COL5A1: variants seen among roughly 807,000 people sequenced by gnomAD.
COL5A1 encodes collagen alpha-1(V) chain.
Under a neutral mutation model 263.7 loss-of-function variants are expected in COL5A1, and 16 were observed. That is an observed-to-expected ratio of 0.06 (90% CI 0.04 to 0.09). COL5A1 has a LOEUF of 0.09. COL5A1 is among the 10% of genes least tolerant of loss of function. The pLI is 1.00. For missense variants in COL5A1, 2,036 were observed against 2,540.5 expected (o/e 0.80, Z 4.27); for synonymous variants, 1,012 against 1,004.5 (o/e 1.01, Z -0.14).
chr9:134,829,588 C>A (rs1839502233), intron 63 of COL5A1, among the ~76,000 whole-genome samples: 5 of 147,512 alleles, frequency 3.4e-5, no homozygotes, highest in Admixed American at 3.3e-4. Flanking sequence ...CTCACGTGGC[C>A]TCCCTAAGGG....
chr9:134,839,450 G>T (rs1839952638), intron 65 of COL5A1, among the ~76,000 whole-genome samples: 1 of 152,190 alleles, frequency 6.6e-6, no homozygotes, highest in South Asian at 2.1e-4. Context: ...CGTCCCTCTG[G>T]GGAGAGACTG....
chr9:134,727,505 G>T, intron 5 of COL5A1, 108 bp downstream of exon 5: 2 of 1,309,980 alleles, frequency 1.5e-6, no homozygotes, highest in South Asian at 1.2e-5. Flanking sequence ...AATCCACTGG[G>T]TGAGAATTTG....
At chr9:134,792,867 GCGCGTTTGTGCACA>G (rs1300135235) in intron 32 of COL5A1, among the ~76,000 whole-genome samples, 1 of 31,884 alleles carries the variant, frequency 3.1e-5, no homozygotes, top group Admixed American at 3.7e-4. Context: ...GTGTGTGTGC[GCGCGTTTGTGCACA>G]CGTGTGTGTG....
intron 32 of COL5A1, among the ~76,000 whole-genome samples, chr9:134,793,026 C>A (rs2132796426): frequency 6.6e-6 from 1 of 152,242 alleles, no homozygotes; most frequent in South Asian, 2.1e-4. Context: ...TTCTGTGGAC[C>A]TTGACTATGG....
chr9:134,741,981 T>TGTGGGCAGCC lies in COL5A1; in HGVS notation c.1494+3188_1494+3197dup, dbSNP rs923838994. Among the ~76,000 whole-genome samples, 2 of 151,788 alleles carry TGTGGGCAGCC rather than the reference T, an allele frequency of 1.3e-5. No homozygotes were observed. The highest frequency in any genetic ancestry group is 2.9e-5 in the Non-Finnish European group (2 of 67,962). ...GTGCCCTTCCTCACACCCTGCTCCC[T>TGTGGGCAGCC]GTGGGCAGCCGTGGGCAGCCGTGGC... On this transcript the variant is annotated intron_variant, in intron 11 of 65. Transcript: ENST00000371817. The surrounding 1 kb of genome is among the most constrained non-coding windows in gnomAD (Gnocchi z 4.5).
At chr9:134,753,781 C>T (rs1427888822) in intron 14 of COL5A1, 69 bp from the exon 15 acceptor site, 2 of 989,436 alleles carry the variant, frequency 2.0e-6, no homozygotes, top group East Asian at 2.6e-5. Flanking sequence ...TCCCCTGCCA[C>T]CCCCAGCCCT....
At chr9:134,777,208 G>A (rs1837084859) in intron 27 of COL5A1, among the ~76,000 whole-genome samples, 1 of 152,230 alleles carries the variant, frequency 6.6e-6, no homozygotes, top group East Asian at 1.9e-4. Flanking sequence ...CAGCTGCTAG[G>A]GGGTTGCCAG....
At chr9:134,694,767 G>A (rs998018586) in intron 2 of COL5A1, among the ~76,000 whole-genome samples, 1 of 152,164 alleles carries the variant, frequency 6.6e-6, no homozygotes, top group African/African-American at 2.4e-5. Context: ...CCAGTGAAGC[G>A]GGGAGGGTTG....
rs1205770232 is a variant in COL5A1, at chr9:134,818,797, A to G, written c.4338+34A>G. 16 of 1,612,048 alleles carry G rather than the reference A, an allele frequency of 9.9e-6. No individual in the cohort carries two copies. Among genetic ancestry groups the G allele is most frequent in the Middle Eastern group, 3.3e-4 (2 of 6,080 alleles). ...GCTGTGAGGGGCAGAGGGGTTGCCG[A>G]GTGGAGGGACGGGGGACCAGCAACT... On this transcript the variant is annotated intron_variant, in intron 55 of 65. Coordinates refer to ENST00000371817, the MANE Select transcript of COL5A1 (RefSeq NM_000093.5). This position sits in a 1 kb window ranked among gnomAD's most constrained non-coding sequence, Gnocchi z 6.0.
chr9:134,690,893 T>C lies in COL5A1; in HGVS notation c.110-19T>C, dbSNP rs148294644. 4.0e-4 allele frequency: 644 copies of C among 1,613,276 alleles called. 6 individuals carry two copies. In the African/African-American group the frequency reaches 7.6e-3, roughly 19 times the overall value. On this transcript the variant is annotated intron_variant, in intron 1 of 65. Transcript: ENST00000371817. Reference sequence around the variant, plus strand: ...CTTTCCTCTCCGTGGCTAACTCTGCTCCTCCTCTGTCATTTCAGCTCAGCC... The same window carrying C: ...CTTTCCTCTCCGTGGCTAACTCTGCCCCTCCTCTGTCATTTCAGCTCAGCC...
chr9:134,714,466 GGTT>G (rs1834177895), intron 4 of COL5A1, among the ~76,000 whole-genome samples: 1 of 89,954 alleles, frequency 1.1e-5, no homozygotes, highest in Non-Finnish European at 2.2e-5. Flanking sequence ...TGGTGATGGT[GGTT>G]GTGATGGTGT....
intron 25 of COL5A1, 86 bp downstream of exon 25, chr9:134,768,549 T>A: frequency 1.2e-5 from 17 of 1,397,632 alleles, no homozygotes; most frequent in Non-Finnish European, 1.7e-5. Flanking sequence ...TCTTTGGGGT[T>A]GTTGTTGGAC....
At chr9:134,653,895 C>A (rs371666819) in intron 1 of COL5A1, among the ~76,000 whole-genome samples, 6 of 148,208 alleles carry the variant, frequency 4.0e-5, no homozygotes, top group African/African-American at 1.5e-4. Flanking sequence ...GTCTGTATGG[C>A]TGAGGGTGTG....
At chr9:134,701,386 G>C in intron 4 of COL5A1, 53 bp downstream of exon 4, 2 of 1,575,092 alleles carry the variant, frequency 1.3e-6, no homozygotes, top group Admixed American at 1.7e-5. Flanking sequence ...TCCTCCTGTG[G>C]AGCCACTGTG....
chr9:134,707,353 C>T (rs1382906786), intron 4 of COL5A1, among the ~76,000 whole-genome samples: 1 of 152,232 alleles, frequency 6.6e-6, no homozygotes, highest in Admixed American at 6.5e-5. Context: ...AACGGTCCTC[C>T]ATCTGTCTGC....
intron 14 of COL5A1, 63 bp from the exon 15 acceptor site, chr9:134,753,786 AG>A: frequency 2.2e-6 from 1 of 459,146 alleles, no homozygotes; most frequent in Non-Finnish European, 3.7e-6. Flanking sequence ...TGCCACCCCC[AG>A]CCCTTCCTGT....
chr9:134,681,840 G>A lies in COL5A1; in HGVS notation c.110-9072G>A, dbSNP rs1223801792. ...CTTGAAGTTAAGGATATTGACTTTG[G>A]GGCCTGCAGAAACCTCCCCTCTCTT... On this transcript the variant is annotated intron_variant, in intron 1 of 65. Transcript: ENST00000371817. The surrounding 1 kb of genome is among the most constrained non-coding windows in gnomAD (Gnocchi z 4.3). 1.3e-5 allele frequency among the ~76,000 whole-genome samples: 2 copies of A among 151,842 alleles called. No homozygotes were observed. The highest frequency in any genetic ancestry group is 2.4e-5 in the African/African-American group (1 of 41,336).
In COL5A1 at chr9:134,812,666, A is replaced by G. The variant is rs1254457711; in HGVS notation, c.3806A>G (p.Gln1269Arg). The change falls in exon 48 of 66, where the codon CAA becomes CGA. Residue 1269 changes from glutamine (Q) to arginine (R), a missense_variant. By Grantham distance (43) the Gln-to-Arg change is conservative. Coordinates refer to ENST00000371817, the MANE Select transcript of COL5A1 (RefSeq NM_000093.5). Reference sequence around the variant, plus strand: ...GGAGCTCCAGGTGCTGATGGCCCACAAGGTCCCCCAGGTGGAATAGGAAAC... The same window carrying G: ...GGAGCTCCAGGTGCTGATGGCCCACGAGGTCCCCCAGGTGGAATAGGAAAC... ...PSGAPGADGPQGPPGGIGNPG... is the reference protein window; with the variant it reads ...PSGAPGADGPRGPPGGIGNPG... 6.3e-7 allele frequency: 1 copy of G among 1,594,988 alleles called. No homozygotes were observed. The highest frequency in any genetic ancestry group is 2.3e-5 in the East Asian group (1 of 44,290).
chr9:134,827,909 G>A (rs1839356274), intron 63 of COL5A1, among the ~76,000 whole-genome samples: 1 of 152,254 alleles, frequency 6.6e-6, no homozygotes, highest in Admixed American at 6.5e-5. Flanking sequence ...GAGAGAGGGT[G>A]GGAGAGCTCT....
Sources: gnomAD v4.1 joint callset for allele counts (sites outside exome capture counted in the v4.1 genomes callset) on GRCh38, gnomAD v4.1.1 for gene constraint, Gnocchi (gnomAD v3.1) non-coding constraint, MANE v1.5 for transcripts, NCBI Gene and HGNC (gene_info 2026-07-23, HGNC 2026-07-21) for gene names.